The following ARHGAP20 variants were observed in gnomAD, a reference collection of about 807,000 sequenced individuals.
The protein encoded by ARHGAP20 is rho GTPase-activating protein 20.
A neutral mutation model predicts 73.7 loss-of-function variants in ARHGAP20; 34 were observed. The ratio of observed to expected loss-of-function variants is 0.46; its 90% CI spans 0.35 to 0.61. The LOEUF (loss-of-function observed/expected upper bound fraction) is 0.61. Among genes scored for constraint, ARHGAP20 ranks in the 20% least tolerant of loss-of-function variants. ARHGAP20 has a pLI of 0.00. For synonymous variants in ARHGAP20, 523 were observed against 518.2 expected (o/e 1.01, Z -0.13); for missense variants, 1,314 against 1,420.9 (o/e 0.92, Z 1.21).
chr11:110,679,613 A>C (rs1565473901), intron 2 of ARHGAP20, among the ~76,000 whole-genome samples: 1 of 152,200 alleles, frequency 6.6e-6, no homozygotes, highest in Non-Finnish European at 1.5e-5. Flanking sequence ...AGAATAATGA[A>C]ACACAAAACT....
chr11:110,698,583 T>C (rs1020094129), intron 1 of ARHGAP20, among the ~76,000 whole-genome samples: 8 of 151,846 alleles, frequency 5.3e-5, no homozygotes, highest in Non-Finnish European at 1.2e-4. Context: ...TTACTACTGA[T>C]TCAATTTCAT....
chr11:110,579,285 A>T lies in ARHGAP20; in HGVS notation c.*85T>A, dbSNP rs1250962544. On this transcript the variant is annotated 3_prime_UTR_variant, in exon 15 of 15. Transcript: ENST00000683387. ...AATCCTTATGCTACCTCTCCCAGGTATCTTATACAAAGGGGTCATAATAAT... is the reference window on the plus strand; with the variant it reads ...AATCCTTATGCTACCTCTCCCAGGTTTCTTATACAAAGGGGTCATAATAAT... 1 of 1,471,872 alleles carries T rather than the reference A, an allele frequency of 6.8e-7. No homozygotes were observed. The highest frequency in any genetic ancestry group is 1.4e-5 in the African/African-American group (1 of 71,404). 91.2% of individuals were successfully genotyped at this position (1,471,872 alleles called of 1,614,324 possible).
intron 2 of ARHGAP20, among the ~76,000 whole-genome samples, chr11:110,671,721 T>C (rs1949831857): frequency 6.6e-6 from 1 of 152,056 alleles, no homozygotes; most frequent in Non-Finnish European, 1.5e-5. Flanking sequence ...AAAGTCATAA[T>C]ATCGACAAAA....
chr11:110,606,908 C>A (rs1363209597), intron 8 of ARHGAP20, among the ~76,000 whole-genome samples, 159 bp from the exon 9 acceptor site: 1 of 151,802 alleles, frequency 6.6e-6, no homozygotes, highest in Non-Finnish European at 1.5e-5. Flanking sequence ...CAGTTGGAGA[C>A]CAGTATGCAG....
At chr11:110,620,382 C>G (rs565807557) in intron 4 of ARHGAP20, among the ~76,000 whole-genome samples, 9 of 152,258 alleles carry the variant, frequency 5.9e-5, no homozygotes, top group South Asian at 4.1e-4. Flanking sequence ...AACTCCCCCC[C>G]TCAAGTGATC....
intron 4 of ARHGAP20, among the ~76,000 whole-genome samples, chr11:110,616,484 C>G (rs1948485351): frequency 1.3e-5 from 2 of 152,152 alleles, no homozygotes; most frequent in African/African-American, 4.8e-5. Context: ...AGTGATCACG[C>G]TGGCTCAGCC....
Position 110,579,589 on chromosome 11 carries a change from C to T in ARHGAP20, c.3357G>A (p.Glu1119=), listed in dbSNP as rs375823554. Residue 1119 remains glutamate (E), a synonymous_variant, in exon 15 of 15, where the codon GAG becomes GAA. Transcript: ENST00000683387. Reference sequence around the variant, plus strand: ...GGCTGAATGGAGAGCTACAGTGTCTCTCTGAGTCCTGGAAGGGAGAAGAAC... The same window carrying T: ...GGCTGAATGGAGAGCTACAGTGTCTTTCTGAGTCCTGGAAGGGAGAAGAAC... ...RCSSSPFQDS[E]RHCSSPFSLV... The T allele has an allele frequency of 6.2e-7, 1 of 1,613,798 alleles. No individual in the cohort carries two copies. Among genetic ancestry groups the T allele is most frequent in the African/African-American group, 1.3e-5 (1 of 74,904 alleles).
chr11:110,583,685 C>T lies in ARHGAP20; in HGVS notation c.1468G>A (p.Gly490Arg), dbSNP rs759938572. The T allele has an allele frequency of 7.5e-6, 12 of 1,607,308 alleles. No individual in the cohort carries two copies. Among genetic ancestry groups the T allele is most frequent in the Non-Finnish European group, 1.0e-5 (12 of 1,175,778 alleles). Residue 490 changes from glycine to arginine, a missense_variant, in exon 13 of 15, where the codon GGG becomes AGG. By Grantham distance (125) the Gly-to-Arg change is moderately radical. Coordinates refer to ENST00000683387, the MANE Select transcript of ARHGAP20 (RefSeq NM_001384657.1). ...TGTTGCTCAATGTTGTGTAACACCC[C>T]AAAAAGATACCTTAGGAGAACAACA... ...ANVVLLRYLF[G>R]VLHNIEQHSS...
intron 2 of ARHGAP20, among the ~76,000 whole-genome samples, chr11:110,664,361 T>C (rs1949676053): frequency 6.6e-6 from 1 of 152,112 alleles, no homozygotes; most frequent in South Asian, 2.1e-4. Context: ...TATATATATA[T>C]ACACATACAC....
At chr11:110,644,924 AAACAAACAAATC>A (rs1232760723) in intron 2 of ARHGAP20, among the ~76,000 whole-genome samples, 4 of 152,162 alleles carry the variant, frequency 2.6e-5, no homozygotes, top group African/African-American at 9.7e-5. Flanking sequence ...AATCTATAAG[AAACAAACAAATC>A]AACAAACAAA....
intron 2 of ARHGAP20, among the ~76,000 whole-genome samples, chr11:110,647,905 T>G (rs762987807): frequency 6.6e-6 from 1 of 151,938 alleles, no homozygotes; most frequent in Non-Finnish European, 1.5e-5. Flanking sequence ...ATGCAAAGCA[T>G]GCTTTTTAAA....
chr11:110,654,476 T>A (rs368151143), intron 2 of ARHGAP20, among the ~76,000 whole-genome samples: 24 of 152,348 alleles, frequency 1.6e-4, no homozygotes, highest in Non-Finnish European at 2.2e-4. Flanking sequence ...TTTAAAATTT[T>A]AGTAATAATG....
chr11:110,600,603 A>G (rs889995382), intron 9 of ARHGAP20, among the ~76,000 whole-genome samples: 13 of 152,246 alleles, frequency 8.5e-5, no homozygotes, highest in Admixed American at 7.9e-4. Flanking sequence ...GGTGGAATGA[A>G]CCCAGTGGCC....
chr11:110,624,617 A>G (rs1848592), intron 3 of ARHGAP20, among the ~76,000 whole-genome samples: 24,397 of 149,640 alleles, frequency 0.16, 3,167 homozygotes, highest in African/African-American at 0.37. Context: ...CATTCTGCAC[A>G]TGTATCCTGT....
At chr11:110,665,516 A>T (rs563857906) in intron 2 of ARHGAP20, among the ~76,000 whole-genome samples, 95 of 152,332 alleles carry the variant, frequency 6.2e-4, no homozygotes, top group African/African-American at 1.8e-3. Context: ...GAGGTCTAAG[A>T]TTGTCCCAGA....
chr11:110,621,018 G>C (rs1218483597), intron 4 of ARHGAP20, among the ~76,000 whole-genome samples: 2 of 134,352 alleles, frequency 1.5e-5, no homozygotes, highest in East Asian at 4.7e-4. Context: ...AGGTTGCAGT[G>C]AGCCGAGATC....
At chr11:110,643,090 G>A (rs1049081613) in intron 2 of ARHGAP20, among the ~76,000 whole-genome samples, 18 of 151,844 alleles carry the variant, frequency 1.2e-4, no homozygotes, top group African/African-American at 4.3e-4. Context: ...ATAGTCTCAG[G>A]ATCTTTTGGA....
At chr11:110,671,684 G>A (rs557721631) in intron 2 of ARHGAP20, among the ~76,000 whole-genome samples, 48 of 151,992 alleles carry the variant, frequency 3.2e-4, no homozygotes, top group African/African-American at 1.2e-3. Context: ...CTATATATTA[G>A]CAATGGACAA....
chr11:110,708,761 A>G (rs776950677), intron 1 of ARHGAP20, among the ~76,000 whole-genome samples: 9 of 152,206 alleles, frequency 5.9e-5, no homozygotes, highest in Non-Finnish European at 1.2e-4. Flanking sequence ...GGACATGAGG[A>G]AACTTTGGGG....
Sources: allele counts gnomAD v4.1 joint callset (sites outside exome capture counted in the v4.1 genomes callset), GRCh38; gene constraint gnomAD v4.1.1; transcripts MANE v1.5; gene names NCBI Gene and HGNC (gene_info 2026-07-23, HGNC 2026-07-21).